Variants in OGDHL observed in about 807,000 individuals in gnomAD.
The protein encoded by OGDHL is 2-oxoglutarate dehydrogenase-like, mitochondrial.
A neutral mutation model predicts 109.6 loss-of-function variants in OGDHL; 79 were observed. The observed-to-expected ratio is 0.72, with a 90% CI of 0.60 to 0.87. OGDHL has a LOEUF of 0.87. Among genes scored for constraint, OGDHL ranks in the 40% least tolerant of loss-of-function variants. The pLI, the probability that OGDHL is intolerant of heterozygous loss-of-function variation, is 0.00. For missense variants in OGDHL, 1,275 were observed against 1,362.2 expected (o/e 0.94, Z 1.01); for synonymous variants, 528 against 537.2 (o/e 0.98, Z 0.24).
chr10:49,736,234 C>A (rs895227375), intron 21 of OGDHL, 57 bp from the exon 22 acceptor site: 9 of 1,568,694 alleles, frequency 5.7e-6, no homozygotes, highest in South Asian at 3.6e-5. Flanking sequence ...GTCCCCAGCA[C>A]CCCCGGACAG....
At chr10:49,755,507 T>A (rs141529156) in intron 3 of OGDHL, among the ~76,000 whole-genome samples, 1 of 152,304 alleles carries the variant, frequency 6.6e-6, no homozygotes, top group East Asian at 1.9e-4. Flanking sequence ...GTGGGCTCAC[T>A]GCACTATCCT....
At position 49,738,249 on chromosome 10, in the gene OGDHL, G is replaced by C. The variant is rs773888308; in HGVS notation, c.2333C>G (p.Ser778Trp). 6.2e-7 allele frequency: 1 copy of C among 1,613,022 alleles called. No homozygotes were observed. The highest frequency in any genetic ancestry group is 1.1e-5 in the South Asian group (1 of 91,012). ...CAGGAACCTTTCGGGCCTCGCTGACGAGTGCTCTGGGCCCTGAAAGCAAAC... is the reference window on the plus strand; with the variant it reads ...CAGGAACCTTTCGGGCCTCGCTGACCAGTGCTCTGGGCCCTGAAAGCAAAC... The part of the protein sequence containing the change: ...HGMEGMGPEH[S>W]SARPERFLQM... The change falls in exon 18 of 23, where the codon TCG (serine) becomes TGG (tryptophan). Residue 778 changes from serine to tryptophan, a missense_variant. Coordinates refer to ENST00000374103, the MANE Select transcript of OGDHL (RefSeq NM_018245.3).
In OGDHL at chr10:49,749,801, C is replaced by T; in HGVS notation, c.912G>A (p.Val304=). Residue 304 remains valine, a synonymous_variant, in exon 8 of 23, where the codon GTG becomes GTA. Coordinates refer to ENST00000374103, the MANE Select transcript of OGDHL (RefSeq NM_018245.3). The part of the protein sequence containing the change: ...LGMPHRGRLN[V]LANVIRKDLE... ...GGTCCTTGCGGATCACGTTGGCCAG[C>T]ACGTTCAGCCTTCCCCTGGAGCCAG... 6.3e-7 allele frequency: 1 copy of T among 1,598,094 alleles called. No homozygotes were observed. The highest frequency in any genetic ancestry group is 8.5e-7 in the Non-Finnish European group (1 of 1,175,864).
At chr10:49,758,653 A>C (rs767643900) in intron 1 of OGDHL, 60 bp from the exon 2 acceptor site, 24 of 1,533,422 alleles carry the variant, frequency 1.6e-5, no homozygotes, top group Non-Finnish European at 2.1e-5. Flanking sequence ...AAGAGGCTCT[A>C]CCAAGCCACT....
intron 9 of OGDHL, 75 bp from the exon 10 acceptor site, chr10:49,746,953 G>A (rs1412568829): frequency 1.9e-6 from 3 of 1,608,826 alleles, no homozygotes; most frequent in African/African-American, 2.7e-5. Context: ...GTACTGTGGA[G>A]ACCCAGGGTC....
intron 7 of OGDHL, 54 bp downstream of exon 7, chr10:49,750,785 C>T: frequency 6.5e-7 from 1 of 1,538,386 alleles, no homozygotes. Flanking sequence ...TCTCCCACCT[C>T]TGTCCCCTGG....
At chr10:49,742,486 C>A (rs1345637516) in intron 15 of OGDHL, among the ~76,000 whole-genome samples, 11 of 37,444 alleles carry the variant, frequency 2.9e-4, no homozygotes, top group Non-Finnish European at 3.8e-4. Flanking sequence ...TACACTCCCC[C>A]CACTCACCAC....
Position 49,742,977 on chromosome 10 carries a change from G to A in OGDHL, c.1863C>T (p.Gly621=). The part of the protein sequence containing the change: ...VPLEDFKIHT[G]LSRILRGRAD... ...CACGGCCCCGCAGAATGCGAGAGAG[G>A]CCTGTGGGAAAGGAGTGCTGGCCTG... Residue 621 remains glycine, a splice_region_variant and synonymous_variant, in exon 15 of 23, where the codon GGC becomes GGT. Transcript: ENST00000374103. 6.2e-7 allele frequency: 1 copy of A among 1,612,514 alleles called. No individual in the cohort carries two copies.
rs1841313849 is a variant in OGDHL, at chr10:49,737,806, C to T, written c.2570G>A (p.Ser857Asn). Residue 857 changes from serine (S) to asparagine (N), a missense_variant, in exon 20 of 23, where the codon AGC (serine) becomes AAC (asparagine). Transcript: ENST00000374103. Reference protein sequence around the residue: ...SLLRHPEAKSSFDQMVSGTSF... With the variant: ...SLLRHPEAKSNFDQMVSGTSF... ...CGTACCGGATACCATTTGGTCAAAG[C>T]TGGACTTGGCCTCTGGGTGCCTCAG... 3.7e-6 allele frequency: 6 copies of T among 1,614,212 alleles called. No individual in the cohort carries two copies. The African/African-American group carries it at 8.0e-5, about 22-fold the overall frequency.
chr10:49,748,742 CCACACACACACACACACA>C (rs3223401), intron 8 of OGDHL, among the ~76,000 whole-genome samples: 2 of 133,884 alleles, frequency 1.5e-5, no homozygotes, highest in Non-Finnish European at 3.2e-5. Flanking sequence ...AGGTATGGGT[CCACACACACACACACACA>C]CACACACACA....
rs2132290627 is a variant in OGDHL, at chr10:49,762,303, G to A, written c.-66C>T. The A allele has an allele frequency of 6.6e-6, 1 of 152,224 alleles. No homozygotes were observed. The highest frequency in any genetic ancestry group is 6.5e-5 in the Admixed American group (1 of 15,294). 9.4% of individuals were successfully genotyped at this position (152,224 alleles called of 1,614,324 possible). ...AGGCTGCAGGTCAGGGGGCTGCGCG[G>A]AAGGGGTGCGCGCGCGCCGTGCCAA... is the stretch of plus-strand genomic sequence containing the variant. On this transcript the variant is annotated 5_prime_UTR_variant, in exon 1 of 23. Transcript: ENST00000374103.
chr10:49,744,515 G>T, intron 13 of OGDHL, 135 bp downstream of exon 13: 1 of 687,884 alleles, frequency 1.5e-6, no homozygotes, highest in Non-Finnish European at 2.5e-6. Context: ...ACGCAGCTTT[G>T]GGGACTCAGT....
chr10:49,761,828 T>C (rs1386947200), intron 1 of OGDHL, among the ~76,000 whole-genome samples: 1 of 152,188 alleles, frequency 6.6e-6, no homozygotes, highest in Non-Finnish European at 1.5e-5. Context: ...GGCTCCTTGG[T>C]AGTCCGAAGC....
At chr10:49,739,396 G>C in intron 17 of OGDHL, 1 of 434,466 alleles carries the variant, frequency 2.3e-6, no homozygotes, top group Non-Finnish European at 4.1e-6. Flanking sequence ...GTATGGATTG[G>C]AAGAGTTAAC....
intron 1 of OGDHL, among the ~76,000 whole-genome samples, chr10:49,761,850 C>A (rs2132287157): frequency 6.6e-6 from 1 of 152,332 alleles, no homozygotes; most frequent in African/African-American, 2.4e-5. Flanking sequence ...GCCTATGGGT[C>A]CCGCCAGGTG....
At chr10:49,758,254 G>T in intron 2 of OGDHL, 135 bp downstream of exon 2, 1 of 823,228 alleles carries the variant, frequency 1.2e-6, no homozygotes, top group Non-Finnish European at 1.9e-6. Flanking sequence ...TTTGATGACT[G>T]AGGACCTGAG....
chr10:49,761,935 G>A (rs941095983), intron 1 of OGDHL, among the ~76,000 whole-genome samples: 45 of 152,346 alleles, frequency 3.0e-4, no homozygotes, highest in Admixed American at 2.5e-3. Flanking sequence ...GAAGGCGCGG[G>A]GCAGTCTGAA....
chr10:49,740,286 A>AAGCCCAG (rs1208514736), intron 16 of OGDHL, among the ~76,000 whole-genome samples: 1 of 152,078 alleles, frequency 6.6e-6, no homozygotes, highest in Non-Finnish European at 1.5e-5. Flanking sequence ...ACAGGCAGGG[A>AAGCCCAG]AGCCCAGAGC....
In OGDHL at chr10:49,742,903, A is replaced by T. The variant is rs1841887869; in HGVS notation, c.1937T>A (p.Met646Lys). 6.2e-7 allele frequency: 1 copy of T among 1,614,094 alleles called. No individual in the cohort carries two copies. Among genetic ancestry groups the T allele is most frequent in the South Asian group, 1.1e-5 (1 of 91,084 alleles). Residue 646 changes from methionine (M) to lysine (K), a missense_variant, in exon 15 of 23, where the codon ATG (methionine) becomes AAG (lysine). Met to Lys is a moderately conservative substitution (Grantham distance 95). Transcript: ENST00000374103. ...RTVDWALAEY[M>K]AFGSLLKEGI... ...TTCCTTCAGCAGGGAGCCAAAGGCC[A>T]TGTACTCTGCCAACGCCCAGTCCAC...
Sources: gnomAD v4.1 joint callset for allele counts (sites outside exome capture counted in the v4.1 genomes callset) on GRCh38, gnomAD v4.1.1 for gene constraint, MANE v1.5 for transcripts, NCBI Gene and HGNC (gene_info 2026-07-23, HGNC 2026-07-21) for gene names.